The following FBXL7 variants were observed in gnomAD, a reference collection of about 807,000 sequenced individuals.
FBXL7 encodes F-box and leucine rich repeat protein 7, also known as F-box/LRR-repeat protein 7.
In FBXL7, 12 loss-of-function variants were observed where a neutral mutation model predicts 38.3. That is an observed-to-expected ratio of 0.31 (90% CI 0.20 to 0.51). The LOEUF (loss-of-function observed/expected upper bound fraction) is 0.51, where lower values mean the gene tolerates loss of function less well. FBXL7 is among the 20% of genes least tolerant of loss of function. The pLI, the probability that FBXL7 is intolerant of heterozygous loss-of-function variation, is 0.98. For synonymous variants in FBXL7, 297 were observed against 300.9 expected (o/e 0.99, Z 0.13); for missense variants, 567 against 676.4 (o/e 0.84, Z 1.79).
chr5:15,644,304 CAA>C (rs369213583), intron 2 of FBXL7, among the ~76,000 whole-genome samples: 11,590 of 93,966 alleles, frequency 0.12, 509 homozygotes, highest in African/African-American at 0.17. Flanking sequence ...ACTAAAAATC[CAA>C]AAAAAAAAAA....
intron 1 of FBXL7, among the ~76,000 whole-genome samples, chr5:15,533,451 T>G (rs1737484317): frequency 6.6e-6 from 1 of 152,098 alleles, no homozygotes; most frequent in Non-Finnish European, 1.5e-5. Flanking sequence ...GTGAATGAGT[T>G]TCAGAGAAAC....
At chr5:15,682,081 G>A (rs1270353667) in intron 2 of FBXL7, among the ~76,000 whole-genome samples, 1 of 152,188 alleles carries the variant, frequency 6.6e-6, no homozygotes, top group Non-Finnish European at 1.5e-5. Context: ...TTGATCAATT[G>A]TATCATAGAC....
At chr5:15,726,312 A>G (rs1446856565) in intron 2 of FBXL7, among the ~76,000 whole-genome samples, 2 of 152,132 alleles carry the variant, frequency 1.3e-5, no homozygotes, top group Admixed American at 1.3e-4. Context: ...CAGCTACTCA[A>G]GAGGCTGAGG....
At chr5:15,784,830 A>G (rs1481199705) in intron 2 of FBXL7, among the ~76,000 whole-genome samples, 1 of 152,142 alleles carries the variant, frequency 6.6e-6, no homozygotes, top group Non-Finnish European at 1.5e-5. Flanking sequence ...TTTATAAATG[A>G]CCCAGTCTCA....
chr5:15,590,740 CT>C (rs1447620602), intron 1 of FBXL7, among the ~76,000 whole-genome samples: 1 of 152,176 alleles, frequency 6.6e-6, no homozygotes, highest in Admixed American at 6.5e-5. Flanking sequence ...CTCCCCTGGA[CT>C]GTGGATGTGT....
At chr5:15,564,953 G>A (rs1027747383) in intron 1 of FBXL7, among the ~76,000 whole-genome samples, 2 of 151,974 alleles carry the variant, frequency 1.3e-5, no homozygotes, top group Non-Finnish European at 2.9e-5. Context: ...TAGTAAAAAT[G>A]CTACAATGTA....
chr5:15,892,521 TAGC>T (rs1740944296), intron 2 of FBXL7, among the ~76,000 whole-genome samples: 1 of 152,166 alleles, frequency 6.6e-6, no homozygotes, highest in Admixed American at 6.5e-5. Flanking sequence ...AATAAGGTGG[TAGC>T]AGCAGAGGTT....
chr5:15,920,118 A>G (rs1025441617), intron 2 of FBXL7, among the ~76,000 whole-genome samples: 10 of 152,154 alleles, frequency 6.6e-5, no homozygotes, highest in Non-Finnish European at 7.4e-5. Context: ...TTAGCCAGGT[A>G]TGCTGGCAGG....
intron 2 of FBXL7, among the ~76,000 whole-genome samples, chr5:15,788,693 C>CT (rs371662297): frequency 7.1e-4 from 104 of 146,618 alleles, no homozygotes; most frequent in Middle Eastern, 3.5e-3. Context: ...AAGGGCACCT[C>CT]TTTTTTTTTT....
intron 2 of FBXL7, among the ~76,000 whole-genome samples, chr5:15,831,385 C>G (rs1738452652): frequency 6.6e-6 from 1 of 152,196 alleles, no homozygotes. Context: ...GAACAGGAGG[C>G]AAACCCAGGG....
intron 1 of FBXL7, chr5:15,580,895 G>C: frequency 4.6e-6 from 4 of 868,964 alleles, no homozygotes; most frequent in Non-Finnish European, 5.5e-6. Context: ...ACAGAAGGTT[G>C]GAATCCTGTG....
chr5:15,652,714 G>T (rs1741750843), intron 2 of FBXL7, among the ~76,000 whole-genome samples: 1 of 152,176 alleles, frequency 6.6e-6, no homozygotes, highest in South Asian at 2.1e-4. Context: ...TTAATTGGCT[G>T]GAATTCAATA....
chr5:15,516,206 C>T (rs1408307580), intron 1 of FBXL7, among the ~76,000 whole-genome samples: 1 of 152,168 alleles, frequency 6.6e-6, no homozygotes, highest in Admixed American at 6.5e-5. Context: ...GTTCCCTAAA[C>T]ATACCTTTTA....
chr5:15,914,078 G>T (rs757864402), intron 2 of FBXL7, among the ~76,000 whole-genome samples: 1 of 152,104 alleles, frequency 6.6e-6, no homozygotes, highest in Admixed American at 6.6e-5. Context: ...TTCAGGTATC[G>T]TTGTTATTAG....
At chr5:15,689,084 C>G (rs1173345379) in intron 2 of FBXL7, among the ~76,000 whole-genome samples, 1 of 152,198 alleles carries the variant, frequency 6.6e-6, no homozygotes, top group African/African-American at 2.4e-5. Context: ...TTCCCCCTGC[C>G]CTGGCACCTA....
At chr5:15,510,412 C>A (rs995765665) in intron 1 of FBXL7, among the ~76,000 whole-genome samples, 2 of 152,092 alleles carry the variant, frequency 1.3e-5, no homozygotes, top group Admixed American at 6.6e-5. Flanking sequence ...TGAAGTTGAA[C>A]CTTTTGGTTC....
chr5:15,597,725 G>T (rs1413456149), intron 1 of FBXL7, among the ~76,000 whole-genome samples: 1 of 152,182 alleles, frequency 6.6e-6, no homozygotes, highest in Non-Finnish European at 1.5e-5. Context: ...CTTTATGGAT[G>T]AAGTGATGCC....
chr5:15,760,119 A>G (rs946111976), intron 2 of FBXL7, among the ~76,000 whole-genome samples: 6 of 152,038 alleles, frequency 3.9e-5, no homozygotes, highest in Non-Finnish European at 7.4e-5. Flanking sequence ...CCAGAAAGTC[A>G]CAAAGCAGGT....
chr5:15,625,482 G>T (rs536897321), intron 2 of FBXL7, among the ~76,000 whole-genome samples: 87 of 152,164 alleles, frequency 5.7e-4, no homozygotes, highest in Non-Finnish European at 9.7e-4. Flanking sequence ...GTGAAACCCC[G>T]TCTCTACTAA....
Sources: allele counts gnomAD v4.1 joint callset (sites outside exome capture counted in the v4.1 genomes callset), GRCh38; gene constraint gnomAD v4.1.1; transcripts MANE v1.5; gene names NCBI Gene and HGNC (gene_info 2026-07-23, HGNC 2026-07-21).